The following MAST4 variants were observed in gnomAD, a reference collection of about 807,000 sequenced individuals.
MAST4 encodes the protein microtubule-associated serine/threonine-protein kinase 4.
A neutral mutation model predicts 162.7 loss-of-function variants in MAST4; 89 were observed. The observed-to-expected ratio is 0.55, with a 90% CI of 0.46 to 0.65. The LOEUF (loss-of-function observed/expected upper bound fraction) is 0.65, where lower values mean the gene tolerates loss of function less well. MAST4 is among the 30% of genes least tolerant of loss of function. The pLI is 0.00. For synonymous variants in MAST4, 1,479 were observed against 1,361.1 expected, an observed-to-expected ratio of 1.09 and a Z score of -1.91; for missense variants, 3,153 against 3,374.0, an observed-to-expected ratio of 0.93 and a Z score of 1.62.
At chr5:66,865,367 G>A (rs1000204627) in intron 3 of MAST4, among the ~76,000 whole-genome samples, 3 of 152,162 alleles carry the variant, frequency 2.0e-5, no homozygotes, top group Non-Finnish European at 2.9e-5. Context: ...CAGAGGTAGG[G>A]TGGGCACCAC....
chr5:67,146,492 A>G (rs1349664854), intron 23 of MAST4, among the ~76,000 whole-genome samples: 25 of 152,328 alleles, frequency 1.6e-4, no homozygotes, highest in Non-Finnish European at 1.0e-4. Flanking sequence ...TGCTGTAATG[A>G]ATGTTTTCAT....
At position 67,163,913 on chromosome 5, in the gene MAST4, G is replaced by A. The variant is rs761038795; in HGVS notation, c.4734G>A (p.Pro1578=). The part of the protein sequence containing the change: ...KLEEREKKVY[P]KAVERSSTFE... ...AAGAGAGAGAGAAGAAAGTCTATCC[G>A]AAGGCTGTGGAAAGGTCAAGTACTT... The change falls in exon 29 of 29, where the codon CCG becomes CCA. Residue 1578 remains proline, a synonymous_variant. Transcript: ENST00000403625. This position sits in a 1 kb window ranked among gnomAD's most constrained non-coding sequence, Gnocchi z 7.0. The A allele has an allele frequency of 6.2e-6, 10 of 1,613,998 alleles. No homozygotes were observed. Among genetic ancestry groups the A allele is most frequent in the South Asian group, 5.5e-5 (5 of 91,060 alleles).
At chr5:66,822,299 C>T (rs1315334613) in intron 3 of MAST4, among the ~76,000 whole-genome samples, 1 of 152,038 alleles carries the variant, frequency 6.6e-6, no homozygotes, top group East Asian at 1.9e-4. Context: ...AGTCATTTCA[C>T]CTAAAAGGAA....
At chr5:66,894,553 T>G (rs1226560396) in intron 3 of MAST4, among the ~76,000 whole-genome samples, 2 of 152,246 alleles carry the variant, frequency 1.3e-5, no homozygotes, top group East Asian at 3.8e-4. Flanking sequence ...CATCTTGGCT[T>G]CTTTGAACTC....
At chr5:66,781,728 T>C (rs1380516090) in intron 2 of MAST4, among the ~76,000 whole-genome samples, 1 of 152,170 alleles carries the variant, frequency 6.6e-6, no homozygotes, top group East Asian at 1.9e-4. Flanking sequence ...TTATTTTCTC[T>C]TTGATATCCT....
chr5:66,846,449 A>G (rs946639220), intron 3 of MAST4, among the ~76,000 whole-genome samples: 4 of 152,152 alleles, frequency 2.6e-5, no homozygotes, highest in Admixed American at 6.5e-5. Context: ...TTAGTTCTTG[A>G]TATTTTATCC....
In MAST4 at chr5:66,786,391, G is replaced by A. The variant is rs540291391; in HGVS notation, c.518-2279G>A. ...TAAACTGTGGCATCATGTAGCTTCT[G>A]TACCTCTCAATCATGCCCTTTTCCA... On this transcript the variant is annotated intron_variant, in intron 2 of 28. Coordinates refer to ENST00000403625, the MANE Select transcript of MAST4 (RefSeq NM_001164664.2). 4.0e-5 allele frequency among the ~76,000 whole-genome samples: 6 copies of A among 151,460 alleles called. No homozygotes were observed. In the South Asian group the frequency reaches 1.3e-3, roughly 32 times the overall value.
At chr5:66,799,762 G>A (rs1218635114) in intron 3 of MAST4, among the ~76,000 whole-genome samples, 1 of 152,120 alleles carries the variant, frequency 6.6e-6, no homozygotes, top group Non-Finnish European at 1.5e-5. Flanking sequence ...ATTGTTATAG[G>A]CAGTTTAGAG....
chr5:66,719,765 G>GTA (rs1261783063), intron 1 of MAST4, among the ~76,000 whole-genome samples: 1 of 151,946 alleles, frequency 6.6e-6, no homozygotes, highest in East Asian at 1.9e-4. Context: ...CAAACACTAA[G>GTA]ATCTACTACA....
At chr5:67,026,546 GT>G (rs1221336071) in intron 4 of MAST4, among the ~76,000 whole-genome samples, 1 of 152,154 alleles carries the variant, frequency 6.6e-6, no homozygotes, top group Non-Finnish European at 1.5e-5. Context: ...TTATTTTCAG[GT>G]TATAAGATCC....
chr5:66,704,498 T>TTTTTTC (rs1749990791), intron 1 of MAST4, among the ~76,000 whole-genome samples: 1 of 139,840 alleles, frequency 7.2e-6, no homozygotes, highest in Admixed American at 7.1e-5. Context: ...TGTTCTTTTT[T>TTTTTTC]TTTTTTTTTT....
chr5:66,754,009 A>G (rs1407631921), intron 1 of MAST4, among the ~76,000 whole-genome samples: 7 of 151,840 alleles, frequency 4.6e-5, no homozygotes, highest in Admixed American at 3.9e-4. Context: ...ATGCAAATCA[A>G]TAAATGTAAT....
intron 3 of MAST4, among the ~76,000 whole-genome samples, chr5:66,864,278 A>G (rs1760328641): frequency 6.6e-6 from 1 of 152,242 alleles, no homozygotes; most frequent in Admixed American, 6.5e-5. Context: ...TGAATGAAGC[A>G]TGGGCATTCT....
chr5:66,642,711 T>A (rs1352294291), intron 1 of MAST4, among the ~76,000 whole-genome samples: 1 of 152,174 alleles, frequency 6.6e-6, no homozygotes, highest in Non-Finnish European at 1.5e-5. Context: ...TATGATGTCA[T>A]TACTCATGAT....
At chr5:66,697,524 T>G (rs533457291) in intron 1 of MAST4, among the ~76,000 whole-genome samples, 1 of 152,220 alleles carries the variant, frequency 6.6e-6, no homozygotes, top group African/African-American at 2.4e-5. Context: ...TAGTCCTTAC[T>G]TTTTGCAACC....
At chr5:67,060,475 A>ATTTTTT (rs71610552) in intron 5 of MAST4, among the ~76,000 whole-genome samples, 5 of 120,600 alleles carry the variant, frequency 4.1e-5, no homozygotes, top group Admixed American at 9.1e-5. Flanking sequence ...GAGTATCACA[A>ATTTTTT]TTTTTTTTTT....
At chr5:66,695,288 T>C (rs1022766948) in intron 1 of MAST4, among the ~76,000 whole-genome samples, 1 of 152,224 alleles carries the variant, frequency 6.6e-6, no homozygotes, top group Non-Finnish European at 1.5e-5. Flanking sequence ...TCCCCATTGC[T>C]TGTTTTTGTC....
At chr5:66,724,288 C>A (rs1454607092) in intron 1 of MAST4, among the ~76,000 whole-genome samples, 4 of 152,146 alleles carry the variant, frequency 2.6e-5, no homozygotes, top group African/African-American at 9.7e-5. Flanking sequence ...GTGTGGAGCA[C>A]AGAGGAATAC....
intron 3 of MAST4, among the ~76,000 whole-genome samples, chr5:66,805,561 C>A (rs1698416168): frequency 6.6e-6 from 1 of 152,118 alleles, no homozygotes; most frequent in Non-Finnish European, 1.5e-5. Context: ...ACTGCAGCTA[C>A]TTTTATATAG....
Sources: gnomAD v4.1 joint callset for allele counts (sites outside exome capture counted in the v4.1 genomes callset) on GRCh38, gnomAD v4.1.1 for gene constraint, Gnocchi (gnomAD v3.1) non-coding constraint, MANE v1.5 for transcripts, NCBI Gene and HGNC (gene_info 2026-07-23, HGNC 2026-07-21) for gene names.